Variants in LRMDA observed in about 807,000 individuals in gnomAD.
LRMDA encodes the protein leucine-rich melanocyte differentiation-associated protein.
In LRMDA, 18 loss-of-function variants were observed where a neutral mutation model predicts 29.8. The observed-to-expected ratio is 0.60, with a 90% CI of 0.42 to 0.90. LRMDA has a LOEUF of 0.90. Ranked by LOEUF, LRMDA falls within the 40% of genes least tolerant of loss-of-function variation. LRMDA has a pLI of 0.00. For synonymous variants in LRMDA, 125 were observed against 109.4 expected (o/e 1.14, Z -0.89); for missense variants, 273 against 273.9 (o/e 1.00, Z 0.02).
intron 2 of LRMDA, among the ~76,000 whole-genome samples, chr10:75,531,143 G>T (rs1845472972): frequency 6.6e-6 from 1 of 152,162 alleles, no homozygotes; most frequent in Admixed American, 6.5e-5. Context: ...TACAGTGGAG[G>T]CTGGGATATC....
chr10:75,878,605 G>A (rs1845240700), intron 2 of LRMDA, among the ~76,000 whole-genome samples: 1 of 152,212 alleles, frequency 6.6e-6, no homozygotes, highest in Non-Finnish European at 1.5e-5. Flanking sequence ...AGGATTGGGG[G>A]CATGGTGGGC....
chr10:75,924,543 T>A (rs1315894424), intron 2 of LRMDA, among the ~76,000 whole-genome samples: 1 of 152,128 alleles, frequency 6.6e-6, no homozygotes, highest in Admixed American at 6.6e-5. Context: ...TGATGGGAAG[T>A]GACAGTGGTC....
At chr10:75,532,683 C>T (rs1039801842) in intron 2 of LRMDA, among the ~76,000 whole-genome samples, 10 of 152,108 alleles carry the variant, frequency 6.6e-5, no homozygotes, top group African/African-American at 2.4e-4. Context: ...TTGAGACACA[C>T]TGAGTTCTGC....
intron 5 of LRMDA, among the ~76,000 whole-genome samples, chr10:76,308,508 A>G (rs1260264082): frequency 6.6e-6 from 1 of 152,042 alleles, no homozygotes; most frequent in Non-Finnish European, 1.5e-5. Flanking sequence ...AACTGCAGTT[A>G]CCCAGTGACT....
chr10:76,354,045 G>T (rs958314469), intron 6 of LRMDA, among the ~76,000 whole-genome samples: 7 of 152,104 alleles, frequency 4.6e-5, no homozygotes, highest in South Asian at 2.1e-4. Context: ...CAAGGGATGG[G>T]CAGGAAACTG....
intron 2 of LRMDA, among the ~76,000 whole-genome samples, chr10:75,802,052 C>T (rs188363776): frequency 6.6e-6 from 1 of 152,266 alleles, no homozygotes; most frequent in East Asian, 1.9e-4. Flanking sequence ...AGCATGGTGG[C>T]TCATGCCTGT....
chr10:76,042,125 A>G (rs1270469881), intron 3 of LRMDA, among the ~76,000 whole-genome samples: 1 of 152,206 alleles, frequency 6.6e-6, no homozygotes, highest in Non-Finnish European at 1.5e-5. Flanking sequence ...AAAGAAACCA[A>G]TTAAAACTTC....
intron 2 of LRMDA, among the ~76,000 whole-genome samples, chr10:75,757,549 G>C (rs1346695404): frequency 6.6e-6 from 1 of 152,122 alleles, no homozygotes; most frequent in African/African-American, 2.4e-5. Flanking sequence ...TCCCAGCCTG[G>C]CTGTTTGTCA....
intron 2 of LRMDA, among the ~76,000 whole-genome samples, chr10:75,893,654 G>T (rs1845532556): frequency 6.6e-6 from 1 of 152,106 alleles, no homozygotes; most frequent in South Asian, 2.1e-4. Flanking sequence ...AAGTTCCCTG[G>T]GCTGGGCATA....
At chr10:75,746,788 C>G (rs983748072) in intron 2 of LRMDA, among the ~76,000 whole-genome samples, 3 of 151,356 alleles carry the variant, frequency 2.0e-5, no homozygotes, top group African/African-American at 7.3e-5. Flanking sequence ...TAGGACACAT[C>G]CTAAAGGAAA....
At chr10:76,153,334 A>G (rs977458129) in intron 5 of LRMDA, among the ~76,000 whole-genome samples, 3 of 152,128 alleles carry the variant, frequency 2.0e-5, no homozygotes, top group African/African-American at 7.2e-5. Context: ...AATTCAATGT[A>G]TTTATTGTTT....
In LRMDA at chr10:76,378,902, G is replaced by A. The variant is rs578189451; in HGVS notation, c.601+54417G>A. 4.1e-5 allele frequency among the ~76,000 whole-genome samples: 5 copies of A among 121,962 alleles called. No individual in the cohort carries two copies. The South Asian group carries it at 1.0e-3, about 25-fold the overall frequency. The allele number at this position is 121,962 out of a possible 152,430, so 80.0% of individuals were successfully genotyped here. On this transcript the variant is annotated intron_variant, in intron 6 of 6. Transcript: ENST00000611255. ...GACGATGTCTTGCTCTGTCTCCCAC[G>A]CTGGAGTGCAGTGGCGCCATTTTGG...
At chr10:76,522,172 A>T (rs2132362920) in intron 6 of LRMDA, among the ~76,000 whole-genome samples, 2 of 152,292 alleles carry the variant, frequency 1.3e-5, no homozygotes, top group East Asian at 3.9e-4. Flanking sequence ...CTTGAATTTC[A>T]GACTCATTTT....
chr10:76,342,135 C>T (rs946903299), intron 6 of LRMDA, among the ~76,000 whole-genome samples: 3 of 151,982 alleles, frequency 2.0e-5, no homozygotes, highest in Non-Finnish European at 4.4e-5. Context: ...AGAGGTAGTA[C>T]AATAACACTG....
intron 2 of LRMDA, among the ~76,000 whole-genome samples, chr10:75,466,517 C>T (rs535512836): frequency 7.9e-5 from 12 of 152,282 alleles, no homozygotes; most frequent in Admixed American, 2.0e-4. Context: ...GTTCTGTGAG[C>T]ATTAACATAC....
intron 5 of LRMDA, among the ~76,000 whole-genome samples, chr10:76,269,235 C>G (rs948761614): frequency 3.3e-5 from 5 of 152,046 alleles, no homozygotes; most frequent in Admixed American, 6.6e-5. Context: ...TAATCGAACC[C>G]CCCATCTCCT....
At chr10:76,218,770 GCTGTGAGTCTCA>G (rs67020252) in intron 5 of LRMDA, among the ~76,000 whole-genome samples, 23,324 of 152,114 alleles carry the variant, frequency 0.15, 2,418 homozygotes, top group East Asian at 0.48. Flanking sequence ...GGTGAGAATA[GCTGTGAGTCTCA>G]CTGCAAAAAA....
chr10:76,000,209 T>C (rs1847537627), intron 2 of LRMDA, among the ~76,000 whole-genome samples: 1 of 152,166 alleles, frequency 6.6e-6, no homozygotes, highest in South Asian at 2.1e-4. Context: ...ATGGCGCTGA[T>C]GAATGCGAGA....
intron 2 of LRMDA, among the ~76,000 whole-genome samples, chr10:75,849,711 T>C (rs771061308): frequency 6.6e-6 from 1 of 152,194 alleles, no homozygotes; most frequent in Non-Finnish European, 1.5e-5. Context: ...GGTACACGTT[T>C]ACCTATGTAA....
Sources: gnomAD v4.1 joint callset for allele counts (sites outside exome capture counted in the v4.1 genomes callset) on GRCh38, gnomAD v4.1.1 for gene constraint, MANE v1.5 for transcripts, NCBI Gene and HGNC (gene_info 2026-07-23, HGNC 2026-07-21) for gene names.